Variants in RAP1A observed in about 807,000 individuals in gnomAD.
RAP1A encodes ras-related protein Rap-1A.
RAP1A carries 6 observed loss-of-function variants against 26.4 expected under a neutral mutation model. The observed-to-expected ratio is 0.23, with a 90% CI of 0.12 to 0.45. The LOEUF (loss-of-function observed/expected upper bound fraction) is 0.45, where lower values mean the gene tolerates loss of function less well. Among genes scored for constraint, RAP1A ranks in the 20% least tolerant of loss-of-function variants. The pLI is 0.99. For synonymous variants in RAP1A, 73 were observed against 79.4 expected, an observed-to-expected ratio of 0.92 and a Z score of 0.43; for missense variants, 121 against 217.2, an observed-to-expected ratio of 0.56 and a Z score of 2.78.
intron 1 of RAP1A, among the ~76,000 whole-genome samples, chr1:111,568,973 A>G (rs1451402263): frequency 6.6e-6 from 1 of 152,168 alleles, no homozygotes; most frequent in Admixed American, 6.5e-5. Flanking sequence ...ACTATAGTAT[A>G]AAAATACAAT....
chr1:111,668,387 G>A (rs1050124096), intron 1 of RAP1A, among the ~76,000 whole-genome samples: 3 of 152,130 alleles, frequency 2.0e-5, no homozygotes, highest in Non-Finnish European at 2.9e-5. Context: ...TGTGTTTAGC[G>A]AGGTAAAGAT....
At position 111,629,284 on chromosome 1, in the gene RAP1A, A is replaced by G. The variant is rs183655064; in HGVS notation, c.-28+9350A>G. 2.8e-3 allele frequency among the ~76,000 whole-genome samples: 428 copies of G among 152,294 alleles called. 1 individual carries two copies. The highest frequency in any genetic ancestry group is 0.01 in the Middle Eastern group (3 of 294). On this transcript the variant is annotated intron_variant, in intron 1 of 7. Coordinates refer to ENST00000369709, the MANE Select transcript of RAP1A (RefSeq NM_002884.4). The stretch of plus-strand genomic sequence containing the variant: ...TCTCTCTCAGCCCTGAATTTTCCTA[A>G]TTAAAAAAAGAGAGTTTGCAGATGC...
chr1:111,626,385 A>ACACG (rs1659398555), intron 1 of RAP1A, among the ~76,000 whole-genome samples: 1 of 151,622 alleles, frequency 6.6e-6, no homozygotes, highest in African/African-American at 2.4e-5. Flanking sequence ...ACACACACAC[A>ACACG]CACACACACA....
rs913032529 is a variant in RAP1A at position 111,545,065 on chromosome 1, T to C, written c.-28+2556T>C. Among the ~76,000 whole-genome samples, 18 of 147,442 alleles carry C rather than the reference T, an allele frequency of 1.2e-4. No individual in the cohort carries two copies. The South Asian group carries it at 1.3e-3, about 11-fold the overall frequency. On this transcript the variant is annotated intron_variant, in intron 1 of 7. Transcript: ENST00000356415. ...TTTGGTACATACCCAATTTCTTGGG[T>C]ATATCCAATTTGGTACATACCCAAT...
At position 111,706,455 on chromosome 1, in the gene RAP1A, CAT is replaced by C. The variant is rs145638494; in HGVS notation, c.468+1985_468+1986del. Among the ~76,000 whole-genome samples the C allele has an allele frequency of 2.0e-3, 300 of 149,640 alleles. 3 individuals are homozygous for C. Among genetic ancestry groups the C allele is most frequent in the Middle Eastern group, 3.5e-3 (1 of 286 alleles). Reference sequence around the variant, plus strand: ...TGGCTAAAGAGCCCCCTAATTCATTCATATATATATATATATAATTTTTCAAA... The same window carrying C: ...TGGCTAAAGAGCCCCCTAATTCATTCATATATATATATATAATTTTTCAAA... On this transcript the variant is annotated intron_variant, in intron 6 of 7. Coordinates refer to ENST00000369709, the MANE Select transcript of RAP1A (RefSeq NM_002884.4).
intron 1 of RAP1A, among the ~76,000 whole-genome samples, chr1:111,644,349 AC>A (rs1660000490): frequency 6.6e-6 from 1 of 152,184 alleles, no homozygotes; most frequent in Admixed American, 6.5e-5. Context: ...AGGGGTAGGG[AC>A]CTAGGTAATA....
intron 1 of RAP1A, among the ~76,000 whole-genome samples, chr1:111,559,456 G>A (rs1657644122): frequency 6.6e-6 from 1 of 152,102 alleles, no homozygotes; most frequent in Non-Finnish European, 1.5e-5. Flanking sequence ...CATAATACTG[G>A]TCATCAAGAG....
chr1:111,686,781 A>C (rs1661495657), intron 1 of RAP1A: 1 of 151,698 alleles, frequency 6.6e-6, no homozygotes, highest in Admixed American at 6.6e-5. Flanking sequence ...TAAAATGGTA[A>C]CTGTTTAAAG....
chr1:111,563,774 C>A, intron 1 of RAP1A: 1 of 1,123,394 alleles, frequency 8.9e-7, no homozygotes, highest in Non-Finnish European at 1.3e-6. Flanking sequence ...ATAAATGTTC[C>A]AAAGTGGTCA....
At chr1:111,585,516 A>C (rs1257636255) in intron 1 of RAP1A, among the ~76,000 whole-genome samples, 2 of 150,700 alleles carry the variant, frequency 1.3e-5, no homozygotes, top group Admixed American at 6.6e-5. Flanking sequence ...GGTTTTTTTG[A>C]TGTCAGTCTG....
chr1:111,650,835 G>A (rs925341332), intron 1 of RAP1A, among the ~76,000 whole-genome samples: 10 of 151,188 alleles, frequency 6.6e-5, no homozygotes, highest in Admixed American at 3.3e-4. Context: ...TTGCTCTGTC[G>A]CCCAGGCTGG....
intron 1 of RAP1A, among the ~76,000 whole-genome samples, chr1:111,666,433 C>G (rs1445144567): frequency 6.6e-6 from 1 of 152,038 alleles, no homozygotes; most frequent in African/African-American, 2.4e-5. Flanking sequence ...AACAATCTGT[C>G]TTAGACTTTT....
rs75905417 is a variant in RAP1A, at chr1:111,582,651, G to A, written c.-28+40142G>A. 5.5e-3 allele frequency among the ~76,000 whole-genome samples: 834 copies of A among 152,276 alleles called. 38 individuals are homozygous for A. In the East Asian group the frequency reaches 0.12, roughly 21 times the overall value. ...ACGATTGCCTAGAACATAAAACCAG[G>A]ACAGTCAGGGAGCATCTCTAGCTTG... is the stretch of plus-strand genomic sequence containing the variant. On this transcript the variant is annotated intron_variant, in intron 1 of 7. Coordinates refer to the RAP1A transcript ENST00000356415.
intron 2 of RAP1A, among the ~76,000 whole-genome samples, chr1:111,695,105 A>G (rs963430291): frequency 1.3e-5 from 2 of 152,216 alleles, no homozygotes; most frequent in African/African-American, 4.8e-5. Flanking sequence ...AATGTAATTA[A>G]CAGTGTATTA....
chr1:111,563,938 T>C (rs761039942), intron 1 of RAP1A: 5 of 1,613,592 alleles, frequency 3.1e-6, no homozygotes, highest in Non-Finnish European at 4.2e-6. Flanking sequence ...TGGGTCCTGC[T>C]GGAGACCCTT....
chr1:111,704,309 T>C (rs1317381801), intron 5 of RAP1A, 34 bp from the exon 6 acceptor site: 2 of 1,607,268 alleles, frequency 1.2e-6, no homozygotes, highest in East Asian at 4.5e-5. Context: ...AATGAGTATG[T>C]TATTGTTCAT....
intron 1 of RAP1A, among the ~76,000 whole-genome samples, chr1:111,628,451 A>C (rs1659465503): frequency 6.6e-6 from 1 of 152,156 alleles, no homozygotes; most frequent in African/African-American, 2.4e-5. Context: ...GAGATAAGGG[A>C]GAATTATGGA....
chr1:111,610,107 A>G (rs1367708105), intron 1 of RAP1A, among the ~76,000 whole-genome samples: 1 of 152,208 alleles, frequency 6.6e-6, no homozygotes, highest in Non-Finnish European at 1.5e-5. Flanking sequence ...CAAAACCCTA[A>G]GACTCACCCC....
At chr1:111,598,080 G>A (rs1658593253) in intron 1 of RAP1A, among the ~76,000 whole-genome samples, 2 of 152,084 alleles carry the variant, frequency 1.3e-5, no homozygotes, top group Non-Finnish European at 2.9e-5. Flanking sequence ...TCCTTTTTCA[G>A]ACAAGGCTCA....
Sources: gnomAD v4.1 joint callset for allele counts (sites outside exome capture counted in the v4.1 genomes callset) on GRCh38, gnomAD v4.1.1 for gene constraint, MANE v1.5 for transcripts, NCBI Gene and HGNC (gene_info 2026-07-23, HGNC 2026-07-21) for gene names.